Variants in PLXNA4 observed in about 807,000 individuals in gnomAD.
The protein encoded by PLXNA4 is plexin-A4.
Under a neutral mutation model 191.8 loss-of-function variants are expected in PLXNA4, and 44 were observed. The ratio of observed to expected loss-of-function variants is 0.23; its 90% confidence interval spans 0.18 to 0.29. The LOEUF is 0.29. PLXNA4 is among the 10% of genes least tolerant of loss of function. The pLI is 1.00. For synonymous variants in PLXNA4, 1,082 were observed against 1,009.5 expected (o/e 1.07, Z -1.36); for missense variants, 1,800 against 2,488.8 (o/e 0.72, Z 5.89).
chr7:132,490,524 C>A (rs1035347554), intron 2 of PLXNA4, among the ~76,000 whole-genome samples: 1 of 148,046 alleles, frequency 6.8e-6, no homozygotes, highest in Admixed American at 6.9e-5. Flanking sequence ...TTACCAGGCT[C>A]AAGCGATCCT....
intron 5 of PLXNA4, among the ~76,000 whole-genome samples, chr7:132,231,929 A>G (rs1414024011): frequency 6.6e-6 from 1 of 152,220 alleles, no homozygotes; most frequent in Non-Finnish European, 1.5e-5. Context: ...ATCTTAGTGG[A>G]AAGTCAAGTG....
At chr7:132,495,766 A>G (rs1164901407) in intron 2 of PLXNA4, among the ~76,000 whole-genome samples, 1 of 152,162 alleles carries the variant, frequency 6.6e-6, no homozygotes. Flanking sequence ...TCCCAAGCTC[A>G]CCCATGGTGG....
chr7:132,540,883 G>A (rs749927788), intron 1 of PLXNA4, among the ~76,000 whole-genome samples: 30 of 152,048 alleles, frequency 2.0e-4, no homozygotes, highest in Non-Finnish European at 3.8e-4. Context: ...CACCGCGCCC[G>A]GCCTGGACCG....
chr7:132,185,767 C>T (rs1489753242), intron 15 of PLXNA4, among the ~76,000 whole-genome samples: 1 of 152,240 alleles, frequency 6.6e-6, no homozygotes. Flanking sequence ...TACTTGACAT[C>T]TGATCACCCT....
intron 2 of PLXNA4, among the ~76,000 whole-genome samples, chr7:132,627,572 A>G (rs1453967969): frequency 6.6e-6 from 1 of 152,214 alleles, no homozygotes; most frequent in African/African-American, 2.4e-5. Context: ...TTAAGACTCA[A>G]TGTGACAGTA....
At chr7:132,307,511 C>T (rs981138094) in intron 3 of PLXNA4, among the ~76,000 whole-genome samples, 1 of 152,100 alleles carries the variant, frequency 6.6e-6, no homozygotes, top group African/African-American at 2.4e-5. Context: ...TAATCATCTT[C>T]GTGTTTCTTC....
At chr7:132,534,417 G>A (rs1799749530) in intron 1 of PLXNA4, among the ~76,000 whole-genome samples, 1 of 152,160 alleles carries the variant, frequency 6.6e-6, no homozygotes, top group African/African-American at 2.4e-5. Context: ...TGAGAGACCT[G>A]AGGTTCCTTC....
At chr7:132,324,433 C>T (rs1422135667) in intron 3 of PLXNA4, among the ~76,000 whole-genome samples, 1 of 152,166 alleles carries the variant, frequency 6.6e-6, no homozygotes, top group East Asian at 1.9e-4. Flanking sequence ...CTACAATTTA[C>T]CTAACAAATT....
At chr7:132,294,710 G>A (rs879572066) in intron 4 of PLXNA4, among the ~76,000 whole-genome samples, 5 of 152,194 alleles carry the variant, frequency 3.3e-5, no homozygotes, top group Admixed American at 2.0e-4. Context: ...TGAGATTTGG[G>A]TGGGACACAG....
chr7:132,187,774 G>A (rs1796928372), intron 14 of PLXNA4, among the ~76,000 whole-genome samples, 167 bp from the exon 15 acceptor site: 1 of 152,190 alleles, frequency 6.6e-6, no homozygotes, highest in African/African-American at 2.4e-5. Flanking sequence ...TGGATAGGCA[G>A]TGTTCCAGAC....
chr7:132,156,658 T>C (rs890949175), intron 25 of PLXNA4, among the ~76,000 whole-genome samples: 2 of 152,140 alleles, frequency 1.3e-5, no homozygotes, highest in Non-Finnish European at 2.9e-5. Flanking sequence ...TGGGGCTGAG[T>C]GAGTGCCAAT....
intron 4 of PLXNA4, among the ~76,000 whole-genome samples, chr7:132,293,367 G>A (rs2116474018): frequency 6.6e-6 from 1 of 152,306 alleles, no homozygotes. Context: ...TGGCGGCAGG[G>A]AAGACAGAAT....
At chr7:132,270,528 G>C (rs898013500) in intron 4 of PLXNA4, among the ~76,000 whole-genome samples, 3 of 152,170 alleles carry the variant, frequency 2.0e-5, no homozygotes, top group African/African-American at 7.2e-5. Flanking sequence ...CACTTAGGAT[G>C]GCATTTTGGC....
intron 3 of PLXNA4, among the ~76,000 whole-genome samples, chr7:132,470,322 G>A (rs1057146067): frequency 6.6e-6 from 1 of 152,150 alleles, no homozygotes; most frequent in South Asian, 2.1e-4. Context: ...TGCTCTAGTT[G>A]GGAATGATGG....
intron 3 of PLXNA4, among the ~76,000 whole-genome samples, chr7:132,355,747 G>C (rs926007746): frequency 2.0e-5 from 3 of 152,070 alleles, no homozygotes; most frequent in African/African-American, 7.2e-5. Context: ...GAGGGCAAGG[G>C]GGAAGGGGGA....
intron 31 of PLXNA4, among the ~76,000 whole-genome samples, chr7:132,132,435 CTGTTCTGTTCTGTTCTGTTCTGTTCTGT>C (rs1563048117): frequency 0.026 from 1,961 of 75,812 alleles, 96 homozygotes; most frequent in East Asian, 0.06. Flanking sequence ...CTGTTCTGTT[CTGTTCTGTTCTGTTCTGTTCTGTTCTGT>C]TCTGCTCTGC....
intron 3 of PLXNA4, among the ~76,000 whole-genome samples, chr7:132,321,044 G>A (rs1167553573): frequency 2.6e-5 from 4 of 152,078 alleles, no homozygotes; most frequent in South Asian, 2.1e-4. Context: ...CTTCCTTGAC[G>A]GCTGTCAGAT....
intron 3 of PLXNA4, among the ~76,000 whole-genome samples, chr7:132,401,169 G>A (rs990044297): frequency 6.6e-6 from 1 of 152,284 alleles, no homozygotes; most frequent in Non-Finnish European, 1.5e-5. Flanking sequence ...AGCTTGGTGG[G>A]TTGTACCAGT....
chr7:132,575,506 C>G (rs1802185363), intron 1 of PLXNA4, among the ~76,000 whole-genome samples: 1 of 152,162 alleles, frequency 6.6e-6, no homozygotes, highest in Non-Finnish European at 1.5e-5. Flanking sequence ...AGACACACAC[C>G]ACGAAAGGCA....
Sources: allele counts gnomAD v4.1 joint callset (sites outside exome capture counted in the v4.1 genomes callset), GRCh38; gene constraint gnomAD v4.1.1; transcripts MANE v1.5; gene names NCBI Gene and HGNC (gene_info 2026-07-23, HGNC 2026-07-21).